The following RAB38 variants were observed in gnomAD, a reference collection of about 807,000 sequenced individuals.
The protein encoded by RAB38 is ras-related protein Rab-38.
In RAB38, 15 loss-of-function variants were observed where a neutral mutation model predicts 18.4. The ratio of observed to expected loss-of-function variants is 0.82; its 90% confidence interval spans 0.55 to 1.26. The LOEUF (loss-of-function observed/expected upper bound fraction) is 1.26. Among genes scored for constraint, RAB38 ranks in the 50% most tolerant of loss-of-function variants. The pLI, the probability that RAB38 is intolerant of heterozygous loss-of-function variation, is 0.00. For missense variants in RAB38, 294 were observed against 267.4 expected (o/e 1.10, Z -0.69); for synonymous variants, 101 against 104.4 (o/e 0.97, Z 0.20).
the RAB38 span, among the ~76,000 whole-genome samples, chr11:87,814,137 G>A: frequency 7.9e-5 from 12 of 152,240 alleles, no homozygotes; most frequent in Non-Finnish European, 1.5e-4. Context: ...AGTGTTATGG[G>A]CCCAGAGCAA....
At chr11:87,830,094 A>G in the RAB38 span, among the ~76,000 whole-genome samples, 2 of 152,178 alleles carry the variant, frequency 1.3e-5, no homozygotes, top group Non-Finnish European at 2.9e-5. Flanking sequence ...TTATTTTTCA[A>G]TAATATTCAG....
chr11:88,161,327 A>G (rs1591177107), intron 1 of RAB38, among the ~76,000 whole-genome samples: 1 of 152,174 alleles, frequency 6.6e-6, no homozygotes, highest in East Asian at 1.9e-4. Context: ...CACTCTGTTC[A>G]ATAAAATCCT....
chr11:87,930,676 T>G, the RAB38 span, among the ~76,000 whole-genome samples: 1 of 152,302 alleles, frequency 6.6e-6, no homozygotes, highest in Non-Finnish European at 1.5e-5. Flanking sequence ...CTAGGTTTTC[T>G]TCTAGGGTTT....
At chr11:88,053,246 C>G in the RAB38 span, among the ~76,000 whole-genome samples, 1 of 122,358 alleles carries the variant, frequency 8.2e-6, no homozygotes, top group Non-Finnish European at 1.6e-5. Context: ...TATATACACA[C>G]ATATATATGG....
At chr11:88,112,424 TAGGTCAG>T (rs1942485640), downstream of RAB38, among the ~76,000 whole-genome samples, 1 of 152,184 alleles carries the variant, frequency 6.6e-6, no homozygotes, top group Non-Finnish European at 1.5e-5. Flanking sequence ...CCTCTTTTTC[TAGGTCAG>T]AGTTTCCAAA....
At chr11:88,144,060 T>A (rs968283725) in intron 2 of RAB38, among the ~76,000 whole-genome samples, 1 of 152,210 alleles carries the variant, frequency 6.6e-6, no homozygotes, top group Non-Finnish European at 1.5e-5. Flanking sequence ...CAATAATCTG[T>A]CAGAAGTGAT....
chr11:87,907,021 G>A, the RAB38 span, among the ~76,000 whole-genome samples: 1 of 151,846 alleles, frequency 6.6e-6, no homozygotes, highest in African/African-American at 2.4e-5. Context: ...AAGGCTGTAA[G>A]AATCATCTTT....
chr11:87,849,972 A>G, the RAB38 span, among the ~76,000 whole-genome samples: 7 of 152,126 alleles, frequency 4.6e-5, no homozygotes, highest in Non-Finnish European at 8.8e-5. Flanking sequence ...CAAAATTAGC[A>G]AGCAGCTTTT....
chr11:87,976,109 T>G, the RAB38 span, among the ~76,000 whole-genome samples: 1 of 148,696 alleles, frequency 6.7e-6, no homozygotes, highest in Non-Finnish European at 1.5e-5. Flanking sequence ...TACATATATG[T>G]GTGCGTGTAA....
intron 1 of RAB38, among the ~76,000 whole-genome samples, chr11:88,150,908 C>T (rs1390485961): frequency 2.0e-5 from 3 of 152,140 alleles, no homozygotes; most frequent in Non-Finnish European, 4.4e-5. Context: ...TCTATTATAT[C>T]GATGCCAGTT....
chr11:88,110,884 T>C (rs2134760954), downstream of RAB38, among the ~76,000 whole-genome samples: 1 of 151,494 alleles, frequency 6.6e-6, no homozygotes, highest in East Asian at 1.9e-4. Flanking sequence ...CTCGCACCTG[T>C]AAATCCAGCA....
the RAB38 span, among the ~76,000 whole-genome samples, chr11:88,047,090 G>A: frequency 9.9e-5 from 15 of 152,234 alleles, no homozygotes; most frequent in African/African-American, 3.4e-4. Context: ...ATCACAAACT[G>A]TGCTCAACTT....
At chr11:88,100,657 G>A in the RAB38 span, among the ~76,000 whole-genome samples, 50 of 152,038 alleles carry the variant, frequency 3.3e-4, no homozygotes, top group African/African-American at 1.2e-3. Flanking sequence ...ATTTTGGAAA[G>A]TACATTTTAT....
chr11:87,939,392 A>ACACACACG, the RAB38 span, among the ~76,000 whole-genome samples: 23 of 151,458 alleles, frequency 1.5e-4, no homozygotes, highest in Admixed American at 1.4e-3. Context: ...ACACACACAC[A>ACACACACG]CACACACACA....
chr11:87,967,264 CT>C, the RAB38 span, among the ~76,000 whole-genome samples: 3 of 152,040 alleles, frequency 2.0e-5, no homozygotes, highest in Non-Finnish European at 2.9e-5. Context: ...GTTACTTTAT[CT>C]CTTTAAATAA....
intron 1 of RAB38, among the ~76,000 whole-genome samples, chr11:88,161,462 C>T (rs302653): frequency 0.43 from 64,736 of 151,916 alleles, 13,937 homozygotes; most frequent in Middle Eastern, 0.46. Flanking sequence ...ACACCACTGA[C>T]ACTTATTATG....
At chr11:88,088,701 G>A in the RAB38 span, among the ~76,000 whole-genome samples, 241 of 151,818 alleles carry the variant, frequency 1.6e-3, no homozygotes, top group Middle Eastern at 0.01. Flanking sequence ...ATTCCCTTTG[G>A]CCAATTAAAC....
the RAB38 span, among the ~76,000 whole-genome samples, chr11:88,050,944 T>C: frequency 1.3e-5 from 2 of 152,152 alleles, no homozygotes; most frequent in Non-Finnish European, 2.9e-5. Flanking sequence ...GGTGCAGTTG[T>C]AGAAATATAC....
chr11:88,084,044 T>G, the RAB38 span, among the ~76,000 whole-genome samples: 1 of 151,890 alleles, frequency 6.6e-6, no homozygotes, highest in South Asian at 2.1e-4. Flanking sequence ...CCAATAGATA[T>G]TGAATAAGAA....
Sources: gnomAD v4.1 joint callset for allele counts (sites outside exome capture counted in the v4.1 genomes callset) on GRCh38, gnomAD v4.1.1 for gene constraint, MANE v1.5 for transcripts, NCBI Gene and HGNC (gene_info 2026-07-23, HGNC 2026-07-21) for gene names.